The following LRBA variants were observed in gnomAD, a reference collection of about 807,000 sequenced individuals.
LRBA encodes the protein lipopolysaccharide-responsive and beige-like anchor protein.
In LRBA, 176 loss-of-function variants were observed where a neutral mutation model predicts 330.0. That is an observed-to-expected ratio of 0.53 (90% confidence interval 0.47 to 0.60). The LOEUF (loss-of-function observed/expected upper bound fraction) is 0.60. LRBA is among the 20% of genes least tolerant of loss of function. The pLI, the probability that LRBA is intolerant of heterozygous loss-of-function variation, is 0.00. For synonymous variants in LRBA, 1,230 were observed against 1,193.0 expected (o/e 1.03, Z -0.64); for missense variants, 3,259 against 3,444.8 (o/e 0.95, Z 1.35).
At chr4:150,805,855 G>C (rs368074519) in intron 33 of LRBA, among the ~76,000 whole-genome samples, 1 of 152,074 alleles carries the variant, frequency 6.6e-6, no homozygotes. Context: ...AAGCAGTATA[G>C]AGTAAAATGC....
intron 37 of LRBA, among the ~76,000 whole-genome samples, chr4:150,618,793 T>C (rs1327653858): frequency 1.3e-5 from 2 of 151,626 alleles, no homozygotes; most frequent in East Asian, 1.9e-4. Context: ...ATTTTAATTA[T>C]GTAGTAAATT....
chr4:150,808,199 CAT>C (rs1743084495), intron 32 of LRBA, 119 bp downstream of exon 32: 1 of 657,422 alleles, frequency 1.5e-6, no homozygotes, highest in Non-Finnish European at 2.6e-6. Flanking sequence ...CTCTAAATGT[CAT>C]ATATGTTGAA....
At position 150,848,951 on chromosome 4, in the gene LRBA, G is replaced by C. The variant is rs1018904381; in HGVS notation, c.4206C>G (p.Ala1402=). 2 of 1,611,082 alleles carry C rather than the reference G, an allele frequency of 1.2e-6. No homozygotes were observed. The highest frequency in any genetic ancestry group is 1.7e-6 in the Non-Finnish European group (2 of 1,178,880). Residue 1402 remains alanine (A), a synonymous_variant, in exon 26 of 57, where the codon GCC becomes GCG. Coordinates refer to ENST00000651943, the MANE Select transcript of LRBA (RefSeq NM_001364905.1). ...IEPTQGLSIE[A]SVTFLQRLIS... ...TTAGCCTCTGCAAAAATGTCACAGA[G>C]GCTTCTATTGAAAGGCCTTGAGTAG...
At chr4:150,315,307 C>T in intron 51 of LRBA, 1 of 544,326 alleles carries the variant, frequency 1.8e-6, no homozygotes, top group Non-Finnish European at 3.2e-6. Context: ...CATTCTCAAT[C>T]ACACATTATT....
intron 13 of LRBA, 41 bp from the exon 14 acceptor site, chr4:150,900,258 A>T: frequency 6.8e-7 from 1 of 1,477,520 alleles, no homozygotes; most frequent in Non-Finnish European, 9.3e-7. Context: ...CCCCACCAGC[A>T]TTTTATCTGT....
chr4:150,925,498 G>T (rs1042969373), intron 4 of LRBA, among the ~76,000 whole-genome samples: 1 of 152,182 alleles, frequency 6.6e-6, no homozygotes, highest in Non-Finnish European at 1.5e-5. Context: ...TCCTCTTGAG[G>T]TTGGCTCCAC....
At chr4:150,939,735 T>C (rs1782365) in intron 2 of LRBA, among the ~76,000 whole-genome samples, 20,330 of 152,148 alleles carry the variant, frequency 0.13, 2,087 homozygotes, top group African/African-American at 0.27. Flanking sequence ...CACCCAGACC[T>C]TCCTACAACA....
intron 2 of LRBA, among the ~76,000 whole-genome samples, chr4:150,983,795 G>A (rs1216665569): frequency 6.6e-6 from 1 of 151,808 alleles, no homozygotes; most frequent in Admixed American, 6.6e-5. Flanking sequence ...AACTACAATG[G>A]CTGATAAGGT....
At chr4:150,618,905 C>T (rs1776039913) in intron 37 of LRBA, among the ~76,000 whole-genome samples, 1 of 148,994 alleles carries the variant, frequency 6.7e-6, no homozygotes, top group Non-Finnish European at 1.5e-5. Context: ...TATCCTAATT[C>T]AGCAGTTTTA....
At chr4:150,644,525 A>T (rs1561464048) in intron 37 of LRBA, among the ~76,000 whole-genome samples, 2 of 152,074 alleles carry the variant, frequency 1.3e-5, no homozygotes, top group South Asian at 2.1e-4. Flanking sequence ...CTTTCAGTGA[A>T]AACAGTTGCT....
intron 47 of LRBA, among the ~76,000 whole-genome samples, chr4:150,363,030 C>T (rs1399909138): frequency 1.3e-5 from 2 of 152,136 alleles, no homozygotes; most frequent in Non-Finnish European, 2.9e-5. Flanking sequence ...ACTTGGGAGG[C>T]TCATGTGGGA....
chr4:150,906,989 T>C (rs1373780062), intron 11 of LRBA, among the ~76,000 whole-genome samples: 2 of 151,392 alleles, frequency 1.3e-5, no homozygotes, highest in African/African-American at 2.4e-5. Context: ...AACAACAAAA[T>C]TGTAATTCTC....
chr4:150,660,454 C>A (rs1780902550), intron 37 of LRBA, among the ~76,000 whole-genome samples: 1 of 151,230 alleles, frequency 6.6e-6, no homozygotes, highest in Admixed American at 6.6e-5. Context: ...TCTGCCCGGC[C>A]AGCCGCCCCG....
intron 40 of LRBA, among the ~76,000 whole-genome samples, chr4:150,585,572 A>G (rs2126418528): frequency 6.6e-6 from 1 of 152,370 alleles, no homozygotes; most frequent in South Asian, 2.1e-4. Flanking sequence ...TAATATAATT[A>G]GTCAAACAGA....
chr4:150,908,769 A>G lies in LRBA; in HGVS notation c.1250T>C (p.Ile417Thr), dbSNP rs569595301. Residue 417 changes from isoleucine (I) to threonine (T), a missense_variant, in exon 10 of 57, where the codon ATT (isoleucine) becomes ACT (threonine). Coordinates refer to ENST00000651943, the MANE Select transcript of LRBA (RefSeq NM_001364905.1). ...AGCCCGTGGATTGTACGTGAATGCA[A>G]TGGCACTAGAGAGTTTCCCATCGTA... is the stretch of plus-strand genomic sequence containing the variant. ...LLYDGKLSSA[I>T]AFTYNPRATD... 6 of 1,613,808 alleles carry G rather than the reference A, an allele frequency of 3.7e-6. No individual in the cohort carries two copies. The highest frequency in any genetic ancestry group is 1.3e-5 in the African/African-American group (1 of 75,060).
At chr4:150,838,436 C>T (rs542224709) in intron 28 of LRBA, among the ~76,000 whole-genome samples, 63 of 152,298 alleles carry the variant, frequency 4.1e-4, no homozygotes, top group African/African-American at 1.4e-3. Flanking sequence ...ACCAATCAGA[C>T]GTAGATTTGG....
intron 55 of LRBA, among the ~76,000 whole-genome samples, chr4:150,280,681 G>A (rs1311096397): frequency 1.3e-5 from 2 of 152,188 alleles, no homozygotes; most frequent in African/African-American, 4.8e-5. Context: ...TTTCTGGTCT[G>A]AGCTGATGAC....
intron 48 of LRBA, among the ~76,000 whole-genome samples, chr4:150,332,240 C>A (rs146175464): frequency 6.6e-5 from 10 of 151,952 alleles, no homozygotes; most frequent in African/African-American, 2.4e-4. Flanking sequence ...GCCTTTAAAC[C>A]CTTGTATATA....
chr4:150,346,581 A>T (rs1267640367), intron 48 of LRBA, among the ~76,000 whole-genome samples: 1 of 151,630 alleles, frequency 6.6e-6, no homozygotes, highest in Non-Finnish European at 1.5e-5. Context: ...CTAATATGGT[A>T]AAACCCGTCT....
Sources: allele counts gnomAD v4.1 joint callset (sites outside exome capture counted in the v4.1 genomes callset), GRCh38; gene constraint gnomAD v4.1.1; transcripts MANE v1.5; gene names NCBI Gene and HGNC (gene_info 2026-07-23, HGNC 2026-07-21).